The following PEX14 variants were observed in gnomAD, a reference collection of about 807,000 sequenced individuals.
PEX14 encodes the protein peroxisomal membrane protein PEX14.
Under a neutral mutation model 49.5 loss-of-function variants are expected in PEX14, and 15 were observed. The observed-to-expected ratio is 0.30, with a 90% CI of 0.20 to 0.47. The LOEUF is 0.47. Ranked by LOEUF, PEX14 falls within the 20% of genes least tolerant of loss-of-function variation. The pLI is 1.00. For missense variants in PEX14, 398 were observed against 494.8 expected (o/e 0.80, Z 1.86); for synonymous variants, 210 against 212.7 (o/e 0.99, Z 0.11).
chr1:10,621,784 T>C (rs1008920427), intron 5 of PEX14, among the ~76,000 whole-genome samples: 6 of 152,202 alleles, frequency 3.9e-5, no homozygotes, highest in African/African-American at 1.4e-4. Flanking sequence ...CGTCTATACA[T>C]GTGCTGCTGA....
rs140611695 is a variant in PEX14, at chr1:10,514,214, G to A, written c.84+18893G>A. On this transcript the variant is annotated intron_variant, in intron 2 of 8. Coordinates refer to ENST00000356607, the MANE Select transcript of PEX14 (RefSeq NM_004565.3). The surrounding 1 kb of genome is among the most constrained non-coding windows in gnomAD (Gnocchi z 4.4). ...TGTGTGTGTGTATGGTGTTAGAAACGGCAGAGTCACCTTCTAAAACAGCAG... is the reference window on the plus strand; with the variant it reads ...TGTGTGTGTGTATGGTGTTAGAAACAGCAGAGTCACCTTCTAAAACAGCAG... 3.1e-4 allele frequency among the ~76,000 whole-genome samples: 45 copies of A among 146,204 alleles called. No homozygotes were observed. The highest frequency in any genetic ancestry group is 1.0e-3 in the African/African-American group (42 of 40,552).
At chr1:10,622,524 A>T (rs1365932957) in intron 5 of PEX14, among the ~76,000 whole-genome samples, 1 of 152,070 alleles carries the variant, frequency 6.6e-6, no homozygotes, top group Non-Finnish European at 1.5e-5. Flanking sequence ...TTGTTTATTA[A>T]TTTACTCGTT....
intron 2 of PEX14, among the ~76,000 whole-genome samples, chr1:10,527,271 C>G (rs1638515120): frequency 6.7e-6 from 1 of 148,156 alleles, no homozygotes; most frequent in Non-Finnish European, 1.5e-5. Context: ...TGTAATCCCA[C>G]ACTTTGGGAG....
At chr1:10,500,806 C>A (rs550343675) in intron 2 of PEX14, among the ~76,000 whole-genome samples, 1 of 152,318 alleles carries the variant, frequency 6.6e-6, no homozygotes, top group East Asian at 1.9e-4. Flanking sequence ...AACTCCTAGG[C>A]TCAAGTGATC....
At chr1:10,615,104 C>G (rs1399181023) in intron 4 of PEX14, among the ~76,000 whole-genome samples, 1 of 152,122 alleles carries the variant, frequency 6.6e-6, no homozygotes, top group African/African-American at 2.4e-5. Context: ...TCTTAGACAC[C>G]GAGTGTCACT....
At chr1:10,504,245 T>C (rs554100826) in intron 2 of PEX14, among the ~76,000 whole-genome samples, 2 of 152,310 alleles carry the variant, frequency 1.3e-5, no homozygotes, top group South Asian at 2.1e-4. Context: ...TTTGTAGTTA[T>C]AACCGAGATT....
chr1:10,614,321 CA>C (rs751584073), intron 4 of PEX14, among the ~76,000 whole-genome samples: 26 of 152,270 alleles, frequency 1.7e-4, no homozygotes, highest in Non-Finnish European at 2.9e-4. Context: ...TAGGAAAGAT[CA>C]TTCTGGTCCC....
At chr1:10,611,143 G>A (rs58528567) in intron 4 of PEX14, among the ~76,000 whole-genome samples, 1 of 151,992 alleles carries the variant, frequency 6.6e-6, no homozygotes, top group Non-Finnish European at 1.5e-5. Flanking sequence ...CATGCCTGTA[G>A]TTCCAGCTAC....
chr1:10,604,275 C>T (rs1167935655), intron 4 of PEX14, among the ~76,000 whole-genome samples: 1 of 152,136 alleles, frequency 6.6e-6, no homozygotes, highest in Non-Finnish European at 1.5e-5. Flanking sequence ...ACAGGATAGA[C>T]AAGAGCATTC....
At chr1:10,517,683 A>G (rs11121581) in intron 2 of PEX14, among the ~76,000 whole-genome samples, 60,805 of 147,006 alleles carry the variant, frequency 0.41, 13,992 homozygotes, top group East Asian at 0.53. Flanking sequence ...GGGAAGCAGA[A>G]CCTGTGATTT....
chr1:10,516,374 C>A lies in PEX14; in HGVS notation c.85-19839C>A, dbSNP rs565144767. Among the ~76,000 whole-genome samples the A allele has an allele frequency of 5.3e-5, 8 of 152,278 alleles. 1 individual carries two copies. Among genetic ancestry groups the A allele is most frequent in the African/African-American group, 1.9e-4 (8 of 41,566 alleles). On this transcript the variant is annotated intron_variant, in intron 2 of 8. Transcript: ENST00000356607. ...GAGTGTGTCTATTTGGTCAGTAATG[C>A]AAATGTTGTCCCACTGGGTTTGCTG... is the stretch of plus-strand genomic sequence containing the variant.
intron 2 of PEX14, among the ~76,000 whole-genome samples, chr1:10,527,178 C>T (rs1346650116): frequency 2.0e-5 from 3 of 148,812 alleles, no homozygotes; most frequent in African/African-American, 7.5e-5. Flanking sequence ...TACCACTTTA[C>T]TCCAGCCTGG....
At chr1:10,593,008 C>T (rs996615346) in intron 3 of PEX14, among the ~76,000 whole-genome samples, 1 of 152,188 alleles carries the variant, frequency 6.6e-6, no homozygotes, top group Non-Finnish European at 1.5e-5. Context: ...CTTTAGGCTT[C>T]GAGTGGAACA....
intron 4 of PEX14, among the ~76,000 whole-genome samples, chr1:10,602,871 A>C (rs567172538): frequency 1.3e-3 from 197 of 152,272 alleles, no homozygotes; most frequent in African/African-American, 4.6e-3. Flanking sequence ...CCGATTTTAC[A>C]TCTAGATCCC....
At position 10,508,580 on chromosome 1, in the gene PEX14, C is replaced by G. The variant is rs544322630; in HGVS notation, c.84+13259C>G. Among the ~76,000 whole-genome samples, 16 of 152,290 alleles carry G rather than the reference C, an allele frequency of 1.1e-4. No homozygotes were observed. In the East Asian group the frequency reaches 1.5e-3, roughly 15 times the overall value. On this transcript the variant is annotated intron_variant, in intron 2 of 8. Transcript: ENST00000356607. The stretch of plus-strand genomic sequence containing the variant: ...AGAGTGAGTCCCAGCTCCCTCCCCC[C>G]CAGAAGTGCACCTCCTACTGTGCCC...
intron 1 of PEX14, among the ~76,000 whole-genome samples, chr1:10,475,544 A>C (rs1461095916): frequency 6.6e-6 from 1 of 152,134 alleles, no homozygotes; most frequent in Non-Finnish European, 1.5e-5. Flanking sequence ...TAGGAAAGGG[A>C]CGCACTGTGA....
chr1:10,622,029 C>A (rs914460551), intron 5 of PEX14, among the ~76,000 whole-genome samples: 3 of 152,176 alleles, frequency 2.0e-5, no homozygotes, highest in Admixed American at 2.0e-4. Context: ...CACTCCTCAC[C>A]TGGGGGGCTT....
intron 3 of PEX14, among the ~76,000 whole-genome samples, chr1:10,593,583 T>G (rs1219017806): frequency 6.6e-6 from 1 of 152,134 alleles, no homozygotes. Flanking sequence ...GGAACTAGTT[T>G]TCTCAGAAAC....
Position 10,514,304 on chromosome 1 carries a change from T to C in PEX14, c.84+18983T>C, listed in dbSNP as rs1001295585. Among the ~76,000 whole-genome samples the C allele has an allele frequency of 2.0e-5, 3 of 152,050 alleles. No homozygotes were observed. Among genetic ancestry groups the C allele is most frequent in the Non-Finnish European group, 4.4e-5 (3 of 68,006 alleles). On this transcript the variant is annotated intron_variant, in intron 2 of 8. Coordinates refer to ENST00000356607, the MANE Select transcript of PEX14 (RefSeq NM_004565.3). The surrounding 1 kb of genome is among the most constrained non-coding windows in gnomAD (Gnocchi z 4.4). ...TTTGTACGGTGCTGCTCAGCCCACG[T>C]ATTGTGCATCTGTATGTGTGTATGT...
Sources: gnomAD v4.1 joint callset for allele counts (sites outside exome capture counted in the v4.1 genomes callset) on GRCh38, gnomAD v4.1.1 for gene constraint, Gnocchi (gnomAD v3.1) non-coding constraint, MANE v1.5 for transcripts, NCBI Gene and HGNC (gene_info 2026-07-23, HGNC 2026-07-21) for gene names.